The following CAMK1D variants were observed in gnomAD, a reference collection of about 807,000 sequenced individuals.
CAMK1D encodes calcium/calmodulin dependent protein kinase ID.
CAMK1D carries 9 observed loss-of-function variants against 47.7 expected under a neutral mutation model. The observed-to-expected ratio is 0.19, with a 90% CI of 0.11 to 0.33. The LOEUF is 0.33. CAMK1D is among the 10% of genes least tolerant of loss of function. The pLI, the probability that CAMK1D is intolerant of heterozygous loss-of-function variation, is 1.00. For missense variants in CAMK1D, 291 were observed against 488.7 expected, an observed-to-expected ratio of 0.60 and a Z score of 3.81; for synonymous variants, 184 against 184.9, an observed-to-expected ratio of 0.99 and a Z score of 0.04.
At chr10:12,502,530 A>G (rs921149512) in intron 1 of CAMK1D, among the ~76,000 whole-genome samples, 8 of 152,308 alleles carry the variant, frequency 5.3e-5, no homozygotes, top group African/African-American at 1.7e-4. Context: ...CAGCCCCGCA[A>G]GGCAGACACC....
intron 3 of CAMK1D, among the ~76,000 whole-genome samples, chr10:12,721,292 G>A (rs1834363841): frequency 6.6e-6 from 1 of 152,188 alleles, no homozygotes; most frequent in African/African-American, 2.4e-5. Flanking sequence ...CTTGATGAGG[G>A]CTAGCAATTT....
chr10:12,762,206 A>C (rs1221270430), intron 4 of CAMK1D, among the ~76,000 whole-genome samples: 1 of 152,188 alleles, frequency 6.6e-6, no homozygotes, highest in East Asian at 1.9e-4. Context: ...CAGCCCCCAG[A>C]GCTTACTGCA....
At chr10:12,366,002 G>A (rs528209543) in intron 1 of CAMK1D, among the ~76,000 whole-genome samples, 6 of 152,352 alleles carry the variant, frequency 3.9e-5, no homozygotes, top group Non-Finnish European at 7.3e-5. Context: ...GCTGCAGTGA[G>A]CAGAGATCGC....
chr10:12,452,769 A>G (rs747676739), intron 1 of CAMK1D, among the ~76,000 whole-genome samples: 17 of 152,028 alleles, frequency 1.1e-4, no homozygotes, highest in Non-Finnish European at 2.1e-4. Flanking sequence ...TATTTTTAGT[A>G]TAGACGGGGT....
chr10:12,587,753 A>G (rs754765333), intron 2 of CAMK1D, among the ~76,000 whole-genome samples: 12 of 152,124 alleles, frequency 7.9e-5, no homozygotes, highest in Admixed American at 1.3e-4. Flanking sequence ...TTTTAGAAAA[A>G]TATTTTCCCC....
chr10:12,654,599 C>G (rs1840067285), intron 2 of CAMK1D, among the ~76,000 whole-genome samples: 1 of 152,120 alleles, frequency 6.6e-6, no homozygotes, highest in Non-Finnish European at 1.5e-5. Context: ...ATATTAGTTG[C>G]TAATACTATT....
chr10:12,798,391 G>A (rs933651296), intron 6 of CAMK1D, among the ~76,000 whole-genome samples: 1 of 152,216 alleles, frequency 6.6e-6, no homozygotes, highest in African/African-American at 2.4e-5. Flanking sequence ...GGCACTTACT[G>A]TCTGCTGGAG....
chr10:12,513,811 G>T (rs1186730176), intron 1 of CAMK1D, among the ~76,000 whole-genome samples: 1 of 152,086 alleles, frequency 6.6e-6, no homozygotes, highest in East Asian at 1.9e-4. Flanking sequence ...AAACAAAAGC[G>T]AAATCAAAAA....
intron 1 of CAMK1D, among the ~76,000 whole-genome samples, chr10:12,408,147 C>T (rs543896309): frequency 5.3e-5 from 8 of 151,722 alleles, no homozygotes; most frequent in East Asian, 1.9e-4. Flanking sequence ...CATAAGCCAC[C>T]GCGCCTGGCC....
intron 3 of CAMK1D, among the ~76,000 whole-genome samples, chr10:12,734,165 T>A (rs1482578830): frequency 6.7e-6 from 1 of 150,010 alleles, no homozygotes; most frequent in Non-Finnish European, 1.5e-5. Flanking sequence ...CTGTCTGTAC[T>A]AAAACTACAA....
chr10:12,745,495 A>G (rs1179475618), intron 3 of CAMK1D, among the ~76,000 whole-genome samples: 3 of 152,246 alleles, frequency 2.0e-5, no homozygotes, highest in Non-Finnish European at 4.4e-5. Context: ...TGCTGAAGAA[A>G]GCATCTCTAT....
intron 8 of CAMK1D, among the ~76,000 whole-genome samples, chr10:12,817,885 C>T (rs1156480220): frequency 6.6e-6 from 1 of 152,068 alleles, no homozygotes; most frequent in Non-Finnish European, 1.5e-5. Context: ...GACAGGGTTT[C>T]GCCATGTTGG....
rs138152761 is a variant in CAMK1D, at chr10:12,823,609, G to A, written c.834-856G>A. The stretch of plus-strand genomic sequence containing the variant: ...AAAGAGACAGCAGAGGGAGGAAAGA[G>A]TGGGATGGAGGGTACTGTCAGGAGA... On this transcript the variant is annotated intron_variant, in intron 8 of 10. Transcript: ENST00000619168. Among the ~76,000 whole-genome samples, 12 of 152,182 alleles carry A rather than the reference G, an allele frequency of 7.9e-5. No homozygotes were observed. The East Asian group carries it at 2.3e-3, about 29-fold the overall frequency.
intron 1 of CAMK1D, among the ~76,000 whole-genome samples, chr10:12,514,424 T>C (rs1454403768): frequency 6.6e-6 from 1 of 152,220 alleles, no homozygotes; most frequent in Non-Finnish European, 1.5e-5. Flanking sequence ...AAAAGAATAA[T>C]GTCCCTTCAG....
rs1839517518 is a variant in CAMK1D, at chr10:12,408,188, G to A, written c.92+58278G>A. The stretch of plus-strand genomic sequence containing the variant: ...CATTTTCTTTTTTTTTTGAGATGGA[G>A]TCTCGGTCTGTTGCCCAGCCTGGAG... On this transcript the variant is annotated intron_variant, in intron 1 of 10. Transcript: ENST00000619168. Among the ~76,000 whole-genome samples the A allele has an allele frequency of 2.1e-5, 3 of 144,648 alleles. 1 individual carries two copies. The highest frequency in any genetic ancestry group is 4.4e-4 in the South Asian group (2 of 4,524). The allele number at this position is 144,648 out of a possible 152,430, so 94.9% of individuals were successfully genotyped here.
At chr10:12,809,116 CA>C (rs35817271) in intron 6 of CAMK1D, among the ~76,000 whole-genome samples, 133 of 145,454 alleles carry the variant, frequency 9.1e-4, no homozygotes, top group South Asian at 1.8e-3. Flanking sequence ...AACTCTGTCT[CA>C]AAAAAAAAAA....
At chr10:12,808,735 G>A (rs951108486) in intron 6 of CAMK1D, among the ~76,000 whole-genome samples, 17 of 152,016 alleles carry the variant, frequency 1.1e-4, no homozygotes, top group African/African-American at 3.9e-4. Flanking sequence ...CCAAGGTCGC[G>A]CTACTGCACT....
At position 12,553,231 on chromosome 10, in the gene CAMK1D, C is replaced by A. The variant is rs769909223; in HGVS notation, c.99C>A (p.Ala33=). 1.9e-6 allele frequency: 3 copies of A among 1,614,140 alleles called. No individual in the cohort carries two copies. The highest frequency in any genetic ancestry group is 2.5e-6 in the Non-Finnish European group (3 of 1,180,008). The part of the protein sequence containing the change: ...FEFKETLGTG[A]FSEVVLAEEK... Reference sequence around the variant, plus strand: ...TTTCCTTCTTTGTTCACAGCGGGGCCTTTTCCGAAGTGGTTTTAGCTGAAG... The same window carrying A: ...TTTCCTTCTTTGTTCACAGCGGGGCATTTTCCGAAGTGGTTTTAGCTGAAG... The change falls in exon 2 of 11, where the codon GCC becomes GCA. Residue 33 remains alanine (A), a synonymous_variant. Transcript: ENST00000619168.
At position 12,791,337 on chromosome 10, in the gene CAMK1D, G is replaced by C. The variant is rs192843034; in HGVS notation, c.641+104G>C. Reference sequence around the variant, plus strand: ...ACCATTTTTAAGGGTACAGTTTAAGGGTGCAGTTCAGGGCCATGTTTAAGG... The same window carrying C: ...ACCATTTTTAAGGGTACAGTTTAAGCGTGCAGTTCAGGGCCATGTTTAAGG... On this transcript the variant is annotated intron_variant, in intron 6 of 10. Coordinates refer to ENST00000619168, the MANE Select transcript of CAMK1D (RefSeq NM_153498.4). The C allele has an allele frequency of 7.9e-6, 8 of 1,008,104 alleles. No individual in the cohort carries two copies. The East Asian group carries it at 1.7e-4, about 21-fold the overall frequency. 62.4% of individuals were successfully genotyped at this position (1,008,104 alleles called of 1,614,324 possible). A position where few individuals can be genotyped will look rare whatever the true frequency, so the allele number is the denominator to read the frequency against.
Sources: allele counts gnomAD v4.1 joint callset (sites outside exome capture counted in the v4.1 genomes callset), GRCh38; gene constraint gnomAD v4.1.1; transcripts MANE v1.5; gene names NCBI Gene and HGNC (gene_info 2026-07-23, HGNC 2026-07-21).